Variants in RBFOX1 observed in about 807,000 individuals in gnomAD.
The protein encoded by RBFOX1 is RNA binding protein fox-1 homolog 1.
Under a neutral mutation model 57.7 loss-of-function variants are expected in RBFOX1, and 8 were observed. The ratio of observed to expected loss-of-function variants is 0.14; its 90% CI spans 0.08 to 0.25. The LOEUF (loss-of-function observed/expected upper bound fraction) is 0.25, where lower values mean the gene tolerates loss of function less well. RBFOX1 is among the 10% of genes least tolerant of loss of function. The probability of loss-of-function intolerance (pLI) is 1.00; values close to 1 mark genes in which losing one functional copy is unlikely to be tolerated. For missense variants in RBFOX1, 611 were observed against 548.5 expected (o/e 1.11, Z -1.14); for synonymous variants, 326 against 222.4 (o/e 1.47, Z -4.15).
rs1216794404 is a variant in RBFOX1, at chr16:5,820,157, A to G, written c.319-47146A>G. Among the ~76,000 whole-genome samples the G allele has an allele frequency of 2.6e-5, 4 of 152,266 alleles. No homozygotes were observed. In the East Asian group the frequency reaches 7.7e-4, roughly 29 times the overall value. On this transcript the variant is annotated intron_variant, in intron 3 of 19. Transcript: ENST00000641259. ...TGGTTGTTGCTGTCATTCCCATTTT[A>G]TAGATGGAGGAAGCAGAGCTCATGG...
intron 1 of RBFOX1, among the ~76,000 whole-genome samples, chr16:6,027,752 G>A (rs1240926145): frequency 6.6e-6 from 1 of 151,992 alleles, no homozygotes. Flanking sequence ...CAATCCCTTT[G>A]GGCAGCAAAT....
In RBFOX1 at chr16:6,218,277, TTTTATTTATTTATTTA is replaced by T. The variant is rs57435796; in HGVS notation, c.-126-98705_-126-98690del. ...ACTATAAACAGGACTAGTGAAGTCT[TTTTATTTATTTATTTA>T]TTTATTTATTTACTTATTTATTTAT... On this transcript the variant is annotated intron_variant, in intron 1 of 15. Coordinates refer to ENST00000550418, the MANE Select transcript of RBFOX1 (RefSeq NM_018723.4). Among the ~76,000 whole-genome samples, 5 of 150,680 alleles carry T rather than the reference TTTTATTTATTTATTTA, an allele frequency of 3.3e-5. 1 individual carries two copies. Among genetic ancestry groups the T allele is most frequent in the Non-Finnish European group, 7.4e-5 (5 of 67,740 alleles).
At chr16:6,784,170 A>G (rs1603623212) in intron 3 of RBFOX1, among the ~76,000 whole-genome samples, 1 of 152,094 alleles carries the variant, frequency 6.6e-6, no homozygotes, top group East Asian at 1.9e-4. Flanking sequence ...ACTGGGTTTG[A>G]AAAGTTGTCT....
At chr16:7,099,050 A>C (rs554223134) in intron 4 of RBFOX1, among the ~76,000 whole-genome samples, 12 of 152,212 alleles carry the variant, frequency 7.9e-5, no homozygotes, top group African/African-American at 2.7e-4. Flanking sequence ...TTCACAAACT[A>C]TCCTTGCATA....
At chr16:5,441,782 G>A (rs1192316392) in intron 1 of RBFOX1, among the ~76,000 whole-genome samples, 1 of 152,170 alleles carries the variant, frequency 6.6e-6, no homozygotes, top group Non-Finnish European at 1.5e-5. Flanking sequence ...GGGAGAAGAA[G>A]AATGAGTGCC....
chr16:6,232,989 C>G (rs2097476534), intron 1 of RBFOX1, among the ~76,000 whole-genome samples: 1 of 152,120 alleles, frequency 6.6e-6, no homozygotes, highest in Non-Finnish European at 1.5e-5. Context: ...ACTGTGTAAA[C>G]CCATGGAGCG....
intron 1 of RBFOX1, among the ~76,000 whole-genome samples, chr16:6,314,871 A>G (rs1483288804): frequency 1.3e-5 from 2 of 152,140 alleles, no homozygotes; most frequent in Non-Finnish European, 2.9e-5. Context: ...GACTATTTCT[A>G]TTCTAATTAT....
chr16:7,428,786 G>A (rs925029381), intron 4 of RBFOX1, among the ~76,000 whole-genome samples: 1 of 151,988 alleles, frequency 6.6e-6, no homozygotes, highest in Non-Finnish European at 1.5e-5. Context: ...TTTTGGCTTT[G>A]AGGGCAATTC....
At chr16:7,640,278 G>A (rs946837959) in intron 11 of RBFOX1, among the ~76,000 whole-genome samples, 27 of 152,202 alleles carry the variant, frequency 1.8e-4, no homozygotes, top group Non-Finnish European at 3.4e-4. Flanking sequence ...ACCCCCAGTT[G>A]TTTAAAGGGA....
chr16:5,302,520 C>T (rs896722190), intron 1 of RBFOX1, among the ~76,000 whole-genome samples: 3 of 152,154 alleles, frequency 2.0e-5, no homozygotes, highest in African/African-American at 4.8e-5. Context: ...TTATCAGTTA[C>T]TCAGAATGGA....
At chr16:6,277,106 A>G (rs2152689065) in intron 1 of RBFOX1, among the ~76,000 whole-genome samples, 1 of 152,308 alleles carries the variant, frequency 6.6e-6, no homozygotes, top group East Asian at 1.9e-4. Flanking sequence ...ACCAGACACA[A>G]TTGCCGGAGG....
rs569748556 is a variant in RBFOX1 at position 7,418,701 on chromosome 16, T to G, written c.28-99446T>G. Among the ~76,000 whole-genome samples the G allele has an allele frequency of 3.9e-5, 6 of 152,282 alleles. No homozygotes were observed. In the East Asian group the frequency reaches 1.2e-3, roughly 29 times the overall value. On this transcript the variant is annotated intron_variant, in intron 4 of 15. Transcript: ENST00000550418. ...ACTTTTGCAAACCTGGAAAAAAAAT[T>G]GATGCTATCTGCTCTCTAGAACTAA...
chr16:7,693,200 C>T lies in RBFOX1; in HGVS notation c.996-15856C>T. The T allele has an allele frequency of 5.1e-6, 4 of 789,894 alleles. No homozygotes were observed. In the Admixed American group the frequency reaches 7.7e-5, roughly 15 times the overall value. The allele number at this position is 789,894 out of a possible 1,614,324, so 48.9% of individuals were successfully genotyped here. On this transcript the variant is annotated intron_variant, in intron 14 of 15. Transcript: ENST00000550418. ...GGTACATCAGCACATTTCCTCGCAA[C>T]ATCCATTCACACGCAGCACCCTTCC... is the stretch of plus-strand genomic sequence containing the variant.
intron 3 of RBFOX1, among the ~76,000 whole-genome samples, chr16:5,613,064 C>T (rs1018125410): frequency 1.3e-5 from 2 of 152,048 alleles, no homozygotes; most frequent in Non-Finnish European, 2.9e-5. Flanking sequence ...AGGGGAGGGC[C>T]CTGATGGGTT....
intron 4 of RBFOX1, among the ~76,000 whole-genome samples, chr16:7,215,180 T>C (rs2091832829): frequency 6.6e-6 from 1 of 152,198 alleles, no homozygotes; most frequent in Non-Finnish European, 1.5e-5. Flanking sequence ...GTTCCTGTGT[T>C]AGTTTGCTGA....
chr16:7,168,047 A>G (rs987846703), intron 4 of RBFOX1, among the ~76,000 whole-genome samples: 1 of 152,204 alleles, frequency 6.6e-6, no homozygotes, highest in African/African-American at 2.4e-5. Flanking sequence ...TTTCCTCCTT[A>G]GAGGAAAAAC....
rs1027007145 is a variant in RBFOX1 at position 7,428,045 on chromosome 16, C to G, written c.28-90102C>G. Among the ~76,000 whole-genome samples, 7 of 152,110 alleles carry G rather than the reference C, an allele frequency of 4.6e-5. No homozygotes were observed. In the South Asian group the frequency reaches 8.3e-4, roughly 18 times the overall value. ...ATTTGCTCATCCTAAAAGTTCTTACCTGTCTTTTAAGTTGTGGCTCAAGTA... is the reference window on the plus strand; with the variant it reads ...ATTTGCTCATCCTAAAAGTTCTTACGTGTCTTTTAAGTTGTGGCTCAAGTA... On this transcript the variant is annotated intron_variant, in intron 4 of 15. Transcript: ENST00000550418.
At chr16:6,524,120 A>G (rs1224204475) in intron 2 of RBFOX1, among the ~76,000 whole-genome samples, 1 of 152,092 alleles carries the variant, frequency 6.6e-6, no homozygotes, top group Non-Finnish European at 1.5e-5. Flanking sequence ...GTACCCATTA[A>G]CCACCCTTAT....
intron 14 of RBFOX1, among the ~76,000 whole-genome samples, chr16:7,702,049 C>T (rs867753285): frequency 6.6e-6 from 1 of 152,154 alleles, no homozygotes; most frequent in Non-Finnish European, 1.5e-5. Context: ...ATAACTTGTC[C>T]TTTCCTTGAA....
Sources: allele counts gnomAD v4.1 joint callset (sites outside exome capture counted in the v4.1 genomes callset), GRCh38; gene constraint gnomAD v4.1.1; transcripts MANE v1.5; gene names NCBI Gene and HGNC (gene_info 2026-07-23, HGNC 2026-07-21).